MKX: variants seen among roughly 807,000 people sequenced by gnomAD.
The protein encoded by MKX is mohawk homeobox, also known as homeobox protein Mohawk.
In MKX, 13 loss-of-function variants were observed where a neutral mutation model predicts 36.0. That is an observed-to-expected ratio of 0.36 (90% CI 0.24 to 0.57). MKX has a LOEUF of 0.57. Among genes scored for constraint, MKX ranks in the 20% least tolerant of loss-of-function variants. The pLI is 0.79. For synonymous variants in MKX, 176 were observed against 178.3 expected (o/e 0.99, Z 0.10); for missense variants, 458 against 456.4 (o/e 1.00, Z -0.03).
chr10:27,722,040 CAT>C (rs1245128793), intron 5 of MKX, among the ~76,000 whole-genome samples: 6 of 152,056 alleles, frequency 3.9e-5, no homozygotes, highest in South Asian at 2.1e-4. Context: ...AAGTATATAA[CAT>C]GTACTTAAAA....
intron 5 of MKX, among the ~76,000 whole-genome samples, chr10:27,720,208 T>C (rs2637296): frequency 0.92 from 140,017 of 152,046 alleles, 64,481 homozygotes; most frequent in East Asian, 1. Context: ...TCAGGAAGAG[T>C]TAATGCTAAC....
chr10:27,722,733 G>T (rs1419839794), intron 5 of MKX, among the ~76,000 whole-genome samples: 1 of 152,114 alleles, frequency 6.6e-6, no homozygotes, highest in Admixed American at 6.6e-5. Flanking sequence ...GAAGGAGTGG[G>T]GACTTTACTA....
chr10:27,711,488 T>TTC (rs1836862192), intron 5 of MKX, among the ~76,000 whole-genome samples: 1 of 55,466 alleles, frequency 1.8e-5, no homozygotes, highest in South Asian at 8.3e-4. Context: ...TCTTTCTCTC[T>TTC]CTCTCTCTTC....
In MKX at chr10:27,743,345, T is replaced by TC. The variant is rs1335077586; in HGVS notation, c.70dup (p.Glu24GlyfsTer71). The TC allele has an allele frequency of 6.3e-7, 1 of 1,584,098 alleles. No individual in the cohort carries two copies. Among genetic ancestry groups the TC allele is most frequent in the Admixed American group, 1.8e-5 (1 of 55,780 alleles). The stretch of plus-strand genomic sequence containing the variant: ...ACCGCTGTAGGGCCGGCCACCCCGC[T>TC]CCCGCTCCGAGGCGCCTCCGTCCTC... On this transcript the variant is annotated frameshift_variant, in exon 2 of 7. Coordinates refer to ENST00000419761, the MANE Select transcript of MKX (RefSeq NM_173576.3). LOFTEE classifies it high-confidence loss of function.
In MKX at chr10:27,735,225, A is replaced by G; in HGVS notation, c.498T>C (p.Ser166=). The G allele has an allele frequency of 6.5e-7, 1 of 1,542,902 alleles. No homozygotes were observed. The change falls in exon 4 of 7, where the codon TCT becomes TCC. Residue 166 remains serine (S), a synonymous_variant. Transcript: ENST00000419761. Reference sequence around the variant, plus strand: ...AAAATAAAAATATTAACAAACCTTCAGAACATGAGTCATCACTGCTTACGC... The same window carrying G: ...AAAATAAAAATATTAACAAACCTTCGGAACATGAGTCATCACTGCTTACGC... The part of the protein sequence containing the change: ...RLSVSSDDSC[S]EDGENPPRTH...
chr10:27,709,260 A>G (rs1384546603), intron 5 of MKX, among the ~76,000 whole-genome samples: 1 of 152,254 alleles, frequency 6.6e-6, no homozygotes, highest in Non-Finnish European at 1.5e-5. Context: ...AATTAAAAAT[A>G]GCAACTATTT....
chr10:27,691,527 G>A (rs745894036), intron 5 of MKX, among the ~76,000 whole-genome samples: 8 of 152,030 alleles, frequency 5.3e-5, no homozygotes, highest in African/African-American at 1.7e-4. Context: ...CGCCTGTATC[G>A]AATGAACCAA....
At chr10:27,720,420 G>T (rs1834351760) in intron 5 of MKX, among the ~76,000 whole-genome samples, 1 of 151,430 alleles carries the variant, frequency 6.6e-6, no homozygotes, top group South Asian at 2.1e-4. Context: ...TATATTAAAA[G>T]AATATTATAT....
chr10:27,719,198 A>C (rs1834316364), intron 5 of MKX, among the ~76,000 whole-genome samples: 1 of 152,202 alleles, frequency 6.6e-6, no homozygotes, highest in African/African-American at 2.4e-5. Context: ...AATTCATGGA[A>C]AGGAAAATAC....
chr10:27,711,505 T>C (rs1334655261), intron 5 of MKX, among the ~76,000 whole-genome samples: 5 of 18,954 alleles, frequency 2.6e-4, no homozygotes, highest in African/African-American at 6.6e-4. Context: ...CTTCTTTCCT[T>C]CCTTCCTTCC....
intron 5 of MKX, among the ~76,000 whole-genome samples, chr10:27,685,949 A>T (rs1836340641): frequency 1.3e-5 from 2 of 152,314 alleles, no homozygotes; most frequent in South Asian, 4.1e-4. Flanking sequence ...TTTGCCAAAA[A>T]AAAGGAAGAA....
chr10:27,686,399 AAGG>A (rs1490340605), intron 5 of MKX, among the ~76,000 whole-genome samples: 1 of 6,512 alleles, frequency 1.5e-4, no homozygotes, highest in African/African-American at 2.2e-4. Context: ...AAGGGAAAGG[AAGG>A]AAGGAAGGAA....
chr10:27,729,661 A>G (rs373980147), intron 5 of MKX, among the ~76,000 whole-genome samples: 2 of 152,212 alleles, frequency 1.3e-5, no homozygotes, highest in East Asian at 3.9e-4. Context: ...GAAAAATGCA[A>G]CAAGGGCTTG....
chr10:27,723,313 C>A (rs188643289), intron 5 of MKX, among the ~76,000 whole-genome samples: 210 of 152,070 alleles, frequency 1.4e-3, no homozygotes, highest in African/African-American at 4.9e-3. Context: ...CAGGAGACAC[C>A]GTCAAAACTA....
intron 5 of MKX, among the ~76,000 whole-genome samples, chr10:27,707,439 G>A (rs1276001872): frequency 1.3e-5 from 2 of 152,122 alleles, no homozygotes; most frequent in Non-Finnish European, 2.9e-5. Flanking sequence ...AGTTGGCCTT[G>A]GGTAAGGTAA....
At chr10:27,690,397 A>AAAACC (rs757115481) in intron 5 of MKX, among the ~76,000 whole-genome samples, 1 of 152,026 alleles carries the variant, frequency 6.6e-6, no homozygotes, top group Non-Finnish European at 1.5e-5. Context: ...AAAACAAAAC[A>AAAACC]AAAACCTAAC....
rs1834910377 is a variant in MKX at position 27,742,017 on chromosome 10, C to T, written c.189-513G>A. On this transcript the variant is annotated intron_variant, in intron 2 of 6. Transcript: ENST00000419761. This position sits in a 1 kb window ranked among gnomAD's most constrained non-coding sequence, Gnocchi z 4.2. ...TAGGGAATAAAGCAAAGGAGCATTG[C>T]CGCCCCGGCTCTCTTTAAGCTATTT... is the stretch of plus-strand genomic sequence containing the variant. 6.6e-6 allele frequency among the ~76,000 whole-genome samples: 1 copy of T among 151,996 alleles called. No homozygotes were observed. Among genetic ancestry groups the T allele is most frequent in the African/African-American group, 2.4e-5 (1 of 41,398 alleles).
chr10:27,675,154 T>C lies in MKX; in HGVS notation c.*75A>G. ...TTTGGGAGAGAGTCATTTTCATCCC[T>C]GCTTCGGCTCTTAGGATGAGGGTTG... On this transcript the variant is annotated 3_prime_UTR_variant, in exon 7 of 7. Coordinates refer to ENST00000419761, the MANE Select transcript of MKX (RefSeq NM_173576.3). 7.1e-7 allele frequency: 1 copy of C among 1,417,408 alleles called. No individual in the cohort carries two copies. 87.8% of individuals were successfully genotyped at this position (1,417,408 alleles called of 1,614,324 possible).
In MKX at chr10:27,675,094, A is replaced by G. The variant is rs978897853; in HGVS notation, c.*135T>C. 1 of 699,816 alleles carries G rather than the reference A, an allele frequency of 1.4e-6. No homozygotes were observed. The highest frequency in any genetic ancestry group is 2.2e-6 in the Non-Finnish European group (1 of 446,342). 43.4% of individuals were successfully genotyped at this position (699,816 alleles called of 1,614,324 possible). On this transcript the variant is annotated 3_prime_UTR_variant, in exon 7 of 7. Coordinates refer to ENST00000419761, the MANE Select transcript of MKX (RefSeq NM_173576.3). ...ATATGTCTTTTATAGAAGCAACTAAATGATATATTTGGGATAATTAAAAAT... is the reference window on the plus strand; with the variant it reads ...ATATGTCTTTTATAGAAGCAACTAAGTGATATATTTGGGATAATTAAAAAT...
Sources: gnomAD v4.1 joint callset for allele counts (sites outside exome capture counted in the v4.1 genomes callset) on GRCh38, gnomAD v4.1.1 for gene constraint, Gnocchi (gnomAD v3.1) non-coding constraint, MANE v1.5 for transcripts, NCBI Gene and HGNC (gene_info 2026-07-23, HGNC 2026-07-21) for gene names.